The following NOX5 variants were observed in gnomAD, a reference collection of about 807,000 sequenced individuals.
The protein encoded by NOX5 is NADPH oxidase, EF-hand calcium binding domain 5.
Under a neutral mutation model 85.7 loss-of-function variants are expected in NOX5, and 76 were observed. The observed-to-expected ratio is 0.89, with a 90% confidence interval of 0.74 to 1.07. The LOEUF is 1.07. NOX5 is among the 50% of genes least tolerant of loss of function. The pLI, the probability that NOX5 is intolerant of heterozygous loss-of-function variation, is 0.00. For missense variants in NOX5, 973 were observed against 999.5 expected, an observed-to-expected ratio of 0.97 and a Z score of 0.36; for synonymous variants, 405 against 401.4, an observed-to-expected ratio of 1.01 and a Z score of -0.11.
intron 10 of NOX5, among the ~76,000 whole-genome samples, chr15:69,044,790 T>A (rs2050641395): frequency 6.6e-6 from 1 of 152,270 alleles, no homozygotes; most frequent in South Asian, 2.1e-4. Context: ...AGTTTCTATA[T>A]CTGCATTTTT....
At chr15:69,027,617 T>C (rs1322311057) in intron 2 of NOX5, among the ~76,000 whole-genome samples, 1 of 152,174 alleles carries the variant, frequency 6.6e-6, no homozygotes, top group Non-Finnish European at 1.5e-5. Flanking sequence ...TTAATTTCTG[T>C]GCTCCCAGGG....
At position 69,042,766 on chromosome 15, in the gene NOX5, G is replaced by A. The variant is rs760658934; in HGVS notation, c.1608G>A (p.Ser536=). Residue 536 remains serine (S), a synonymous_variant, in exon 10 of 16, where the codon TCG becomes TCA. Transcript: ENST00000388866. Reference sequence around the variant, plus strand: ...TGGGCCGTGGTTCTAAGAGGCTGTCGAGGAGTGTGACAATGAGAAAGAGTC... The same window carrying A: ...TGGGCCGTGGTTCTAAGAGGCTGTCAAGGAGTGTGACAATGAGAAAGAGTC... ...DPLGRGSKRL[S]RSVTMRKSQR... 13 of 1,614,148 alleles carry A rather than the reference G, an allele frequency of 8.1e-6. No homozygotes were observed. The highest frequency in any genetic ancestry group is 5.5e-5 in the South Asian group (5 of 91,070).
chr15:69,031,707 C>T lies in NOX5; in HGVS notation c.515C>T (p.Ala172Val), dbSNP rs750393447. 2.5e-6 allele frequency: 4 copies of T among 1,613,084 alleles called. No homozygotes were observed. The highest frequency in any genetic ancestry group is 3.4e-6 in the Non-Finnish European group (4 of 1,179,776). ...PDEKLDQLTL[A>V]LFESADADGN... ...GAGAAGCTGGACCAGCTGACGCTGG[C>T]GCTCTTCGAATCGGCCGACGCGGAC... The change falls in exon 4 of 16, where the codon GCG (alanine) becomes GTG (valine). Residue 172 changes from alanine to valine, a missense_variant. Ala to Val is a moderately conservative substitution (Grantham distance 64, BLOSUM62 0). Transcript: ENST00000388866.
chr15:69,019,217 C>G (rs1464879245), intron 1 of NOX5, among the ~76,000 whole-genome samples: 1 of 152,148 alleles, frequency 6.6e-6, no homozygotes, highest in African/African-American at 2.4e-5. Context: ...CCTCCTCCTC[C>G]CGACTGGGAT....
In NOX5 at chr15:69,056,676, T is replaced by A. The variant is rs769559108; in HGVS notation, c.2278T>A (p.Phe760Ile). The A allele has an allele frequency of 1.9e-6, 3 of 1,613,720 alleles. No homozygotes were observed. The highest frequency in any genetic ancestry group is 1.1e-5 in the South Asian group (1 of 91,050). Residue 760 changes from phenylalanine (F) to isoleucine (I), a missense_variant, in exon 16 of 16, where the codon TTT (phenylalanine) becomes ATT (isoleucine). Transcript: ENST00000388866. ...CCATTGTGAGAAGTTCGGCTTCAGA[T>A]TTTTCCAAGAGAATTTCTAGCCTCA... ...KGHCEKFGFR[F>I]FQENF
Position 69,028,332 on chromosome 15 carries a change from C to T in NOX5, c.292C>T (p.Leu98Phe), listed in dbSNP as rs148321747. ...CATCCATGGCAGCCCCATGGACAAACTCAAATTCCTCTTCCAGGTGTATGA... is the reference window on the plus strand; with the variant it reads ...CATCCATGGCAGCCCCATGGACAAATTCAAATTCCTCTTCCAGGTGTATGA... The part of the protein sequence containing the change: ...LLIHGSPMDK[L>F]KFLFQVYDID... Residue 98 changes from leucine to phenylalanine, a missense_variant, in exon 3 of 16, where the codon CTC (leucine) becomes TTC (phenylalanine). Physicochemically the swap from Leu to Phe is conservative, Grantham distance 22. Transcript: ENST00000388866. 29 of 1,611,194 alleles carry T rather than the reference C, an allele frequency of 1.8e-5. No homozygotes were observed. The highest frequency in any genetic ancestry group is 2.7e-5 in the African/African-American group (2 of 74,844).
At chr15:69,031,340 G>A (rs1007160743) in intron 3 of NOX5, 178 bp from the exon 4 acceptor site, 1 of 648,924 alleles carries the variant, frequency 1.5e-6, no homozygotes, top group Middle Eastern at 4.3e-4. Context: ...TGAAGCCAAA[G>A]ATTCTCCACC....
intron 3 of NOX5, chr15:69,030,543 A>G (rs2050415215): frequency 6.6e-6 from 1 of 152,238 alleles, no homozygotes; most frequent in South Asian, 2.1e-4. Context: ...AGATTAAAGC[A>G]GATAGAAGAG....
rs1024181296 is a variant in NOX5 at position 69,033,224 on chromosome 15, A to G, written c.802A>G (p.Met268Val). Residue 268 changes from methionine (M) to valine (V), a missense_variant, in exon 5 of 16, where the codon ATG becomes GTG. Met to Val is a conservative substitution (Grantham distance 21). Coordinates refer to ENST00000388866, the MANE Select transcript of NOX5 (RefSeq NM_024505.4). ...GCACCGGGACCTCGGCGCCAGCGTC[A>G]TGGTGGCCAAGGGCTGCGGCCAGTG... ...SAHRDLGASVMVAKGCGQCLN... is the reference protein window; with the variant it reads ...SAHRDLGASVVVAKGCGQCLN... 2.5e-6 allele frequency: 4 copies of G among 1,598,068 alleles called. No homozygotes were observed. Among genetic ancestry groups the G allele is most frequent in the South Asian group, 1.1e-5 (1 of 90,446 alleles).
At position 69,033,243 on chromosome 15, in the gene NOX5, G is replaced by A; in HGVS notation, c.821G>A (p.Gly274Asp). ...AGCGTCATGGTGGCCAAGGGCTGCG[G>A]CCAGTGCCTCAACTTCGACTGCAGC... ...GASVMVAKGC[G>D]QCLNFDCSFI... is the part of the protein sequence containing the mutation. Residue 274 changes from glycine (G) to aspartate (D), a missense_variant, in exon 5 of 16, where the codon GGC (glycine) becomes GAC (aspartate). Transcript: ENST00000388866. 6.3e-7 allele frequency: 1 copy of A among 1,597,236 alleles called. No individual in the cohort carries two copies. The highest frequency in any genetic ancestry group is 8.5e-7 in the Non-Finnish European group (1 of 1,179,172).
rs116081037 is a variant in NOX5 at position 69,050,429 on chromosome 15, C to A, written c.1999+1371C>A. 5.0e-3 allele frequency among the ~76,000 whole-genome samples: 759 copies of A among 152,244 alleles called. 5 individuals carry two copies. Among genetic ancestry groups the A allele is most frequent in the African/African-American group, 0.016 (681 of 41,520 alleles). On this transcript the variant is annotated intron_variant, in intron 14 of 15. Coordinates refer to ENST00000388866, the MANE Select transcript of NOX5 (RefSeq NM_024505.4). ...AACTCTTTTGGCTTTTCACTGCAAA[C>A]ACCTTAGCTCTGTCACCCAGGTGCA... is the stretch of plus-strand genomic sequence containing the variant.
chr15:69,052,981 G>A (rs2050768467), intron 14 of NOX5, among the ~76,000 whole-genome samples: 1 of 152,092 alleles, frequency 6.6e-6, no homozygotes, highest in African/African-American at 2.4e-5. Flanking sequence ...GTAAACAAAG[G>A]GTAACAGCTA....
intron 5 of NOX5, 130 bp downstream of exon 5, chr15:69,033,407 G>T: frequency 9.5e-7 from 1 of 1,054,534 alleles, no homozygotes; most frequent in South Asian, 1.5e-5. Flanking sequence ...AATCAGCTGG[G>T]CCAACGCTCA....
chr15:69,052,570 T>C (rs564372957), intron 14 of NOX5, among the ~76,000 whole-genome samples: 3 of 152,382 alleles, frequency 2.0e-5, no homozygotes, highest in East Asian at 1.9e-4. Context: ...CGTATTTGAC[T>C]ATTTAATTAT....
At chr15:69,049,510 GA>G (rs1017699442) in intron 14 of NOX5, among the ~76,000 whole-genome samples, 21 of 151,338 alleles carry the variant, frequency 1.4e-4, no homozygotes, top group East Asian at 1.9e-4. Flanking sequence ...ATAGAAGGGG[GA>G]AAAAAAAGCC....
intron 10 of NOX5, among the ~76,000 whole-genome samples, chr15:69,043,080 C>T (rs2050616582): frequency 6.6e-6 from 1 of 152,200 alleles, no homozygotes; most frequent in African/African-American, 2.4e-5. Context: ...ATCTCCAGGT[C>T]TCTGCTCTAA....
intron 12 of NOX5, 84 bp from the exon 13 acceptor site, chr15:69,047,746 T>C: frequency 6.8e-7 from 1 of 1,473,082 alleles, no homozygotes; most frequent in Non-Finnish European, 9.4e-7. Context: ...ACCCCATCCT[T>C]GCTCCCTGTC....
chr15:69,015,599 A>G (rs1310493191), intron 1 of NOX5, among the ~76,000 whole-genome samples: 1 of 152,118 alleles, frequency 6.6e-6, no homozygotes, highest in African/African-American at 2.4e-5. Flanking sequence ...TGCAGGTGAA[A>G]TGTGCAGATT....
chr15:69,046,729 A>G, intron 10 of NOX5, 93 bp from the exon 11 acceptor site: 1 of 1,211,342 alleles, frequency 8.3e-7, no homozygotes. Flanking sequence ...CCTTTTTATA[A>G]AGTTGCTCAG....
Sources: allele counts gnomAD v4.1 joint callset (sites outside exome capture counted in the v4.1 genomes callset), GRCh38; gene constraint gnomAD v4.1.1; transcripts MANE v1.5; gene names NCBI Gene and HGNC (gene_info 2026-07-23, HGNC 2026-07-21).